KMT2C: variants seen among roughly 807,000 people sequenced by gnomAD.
The protein encoded by KMT2C is histone-lysine N-methyltransferase 2C.
Under a neutral mutation model 507.9 loss-of-function variants are expected in KMT2C, and 88 were observed. The ratio of observed to expected loss-of-function variants is 0.17; its 90% confidence interval spans 0.15 to 0.21. The LOEUF (loss-of-function observed/expected upper bound fraction) is 0.21. Ranked by LOEUF, KMT2C falls within the 10% of genes least tolerant of loss-of-function variation. The pLI is 1.00. For missense variants in KMT2C, 4,954 were observed against 5,957.8 expected (o/e 0.83, Z 5.55); for synonymous variants, 2,049 against 2,080.8 (o/e 0.98, Z 0.42).
intron 6 of KMT2C, among the ~76,000 whole-genome samples, chr7:152,296,445 AAGAGAG>A (rs367694956): frequency 7.4e-5 from 11 of 149,576 alleles, no homozygotes; most frequent in South Asian, 4.2e-4. Flanking sequence ...AAAAAAAAAA[AAGAGAG>A]AGAGAGAGAG....
chr7:152,361,460 G>A (rs1184052219), intron 1 of KMT2C, among the ~76,000 whole-genome samples: 1 of 152,062 alleles, frequency 6.6e-6, no homozygotes, highest in Non-Finnish European at 1.5e-5. Flanking sequence ...CTACTCGGGA[G>A]GCTGAGGCAG....
chr7:152,252,534 C>T lies in KMT2C; in HGVS notation c.1469+12G>A, dbSNP rs548692676. ...TCGACAAAACAACTGAATAGAATAA[C>T]TATCTTCTTACCTTTTGCACATATT... On this transcript the variant is annotated intron_variant, in intron 10 of 58. Transcript: ENST00000262189. The T allele has an allele frequency of 5.6e-6, 9 of 1,603,246 alleles. No homozygotes were observed. The highest frequency in any genetic ancestry group is 1.3e-5 in the African/African-American group (1 of 74,836).
intron 9 of KMT2C, among the ~76,000 whole-genome samples, chr7:152,258,933 GA>G (rs962568593): frequency 6.6e-6 from 1 of 152,116 alleles, no homozygotes; most frequent in Non-Finnish European, 1.5e-5. Flanking sequence ...AAAGGAGGGG[GA>G]AAAGAAATTG....
chr7:152,290,221 T>A (rs2096387944), intron 6 of KMT2C, among the ~76,000 whole-genome samples: 1 of 53,332 alleles, frequency 1.9e-5, no homozygotes, highest in South Asian at 8.4e-4. Flanking sequence ...TATATATATA[T>A]GTGTGTGTGT....
intron 48 of KMT2C, 144 bp from the exon 49 acceptor site, chr7:152,153,098 C>T: frequency 9.1e-7 from 1 of 1,094,148 alleles, no homozygotes; most frequent in South Asian, 1.8e-5. Flanking sequence ...ACTTAAAGAA[C>T]CTCAGGAAAA....
chr7:152,370,550 A>G (rs1376447381), intron 1 of KMT2C, among the ~76,000 whole-genome samples: 1 of 152,222 alleles, frequency 6.6e-6, no homozygotes. Context: ...TCAGGCAAAG[A>G]CAGTACAAAG....
At position 152,309,051 on chromosome 7, in the gene KMT2C, T is replaced by A. The variant is rs544539992; in HGVS notation, c.849+915A>T. Among the ~76,000 whole-genome samples, 244 of 152,162 alleles carry A rather than the reference T, an allele frequency of 1.6e-3. 7 individuals carry two copies. Among genetic ancestry groups the A allele is most frequent in the Non-Finnish European group, 6.9e-4 (47 of 68,004 alleles). On this transcript the variant is annotated intron_variant, in intron 6 of 58. Coordinates refer to ENST00000262189, the MANE Select transcript of KMT2C (RefSeq NM_170606.3). Reference sequence around the variant, plus strand: ...TGAACTGCTGACCGAACTAAAAAAATTTTTTTAATCACTTTTTAAAATATC... The same window carrying A: ...TGAACTGCTGACCGAACTAAAAAAAATTTTTTAATCACTTTTTAAAATATC...
chr7:152,432,152 G>A (rs1463495477), intron 1 of KMT2C, among the ~76,000 whole-genome samples: 4 of 152,146 alleles, frequency 2.6e-5, no homozygotes, highest in Non-Finnish European at 5.9e-5. Flanking sequence ...CTCAAAAAAG[G>A]CCAAGGATAG....
At chr7:152,249,462 T>C (rs2095527518) in intron 13 of KMT2C, among the ~76,000 whole-genome samples, 1 of 151,558 alleles carries the variant, frequency 6.6e-6, no homozygotes, top group African/African-American at 2.4e-5. Context: ...CTGCTGGGAC[T>C]GCACACATGT....
intron 2 of KMT2C, among the ~76,000 whole-genome samples, chr7:152,349,368 C>A (rs1039600059): frequency 3.3e-5 from 5 of 150,936 alleles, no homozygotes; most frequent in Non-Finnish European, 7.4e-5. Context: ...CACTTGAAAC[C>A]GGGAGGCGGA....
intron 37 of KMT2C, 110 bp from the exon 38 acceptor site, chr7:152,178,120 T>G (rs1206073600): frequency 8.8e-7 from 1 of 1,141,032 alleles, no homozygotes; most frequent in East Asian, 3.0e-5. Context: ...ATACAAAATG[T>G]TGCCAAATAC....
At chr7:152,242,892 T>C (rs1246808784) in intron 14 of KMT2C, among the ~76,000 whole-genome samples, 3 of 152,178 alleles carry the variant, frequency 2.0e-5, no homozygotes, top group Non-Finnish European at 4.4e-5. Flanking sequence ...CCCCACACTC[T>C]TCCAACATAC....
At position 152,181,314 on chromosome 7, in the gene KMT2C, T is replaced by C; in HGVS notation, c.6546A>G (p.Arg2182=). ...DPYSQQPQTP[R]PSTQTDLFVT... is the part of the protein sequence containing the mutation. ...CAAACAAGTCAGTTTGTGTAGATGGTCTTGGGGTTTGGGGCTGCTGACTAT... is the reference window on the plus strand; with the variant it reads ...CAAACAAGTCAGTTTGTGTAGATGGCCTTGGGGTTTGGGGCTGCTGACTAT... The change falls in exon 36 of 59, where the codon AGA becomes AGG. Residue 2182 remains arginine (R), a synonymous_variant. Coordinates refer to ENST00000262189, the MANE Select transcript of KMT2C (RefSeq NM_170606.3). 6.2e-7 allele frequency: 1 copy of C among 1,611,242 alleles called. No individual in the cohort carries two copies. The highest frequency in any genetic ancestry group is 8.5e-7 in the Non-Finnish European group (1 of 1,178,964).
intron 6 of KMT2C, among the ~76,000 whole-genome samples, chr7:152,297,051 A>AAGAAAGAAAGAAAG (rs1356233143): frequency 8.3e-5 from 5 of 60,240 alleles, no homozygotes; most frequent in Admixed American, 1.9e-4. Flanking sequence ...GAAAGAAAGA[A>AAGAAAGAAAGAAAG]AGACAGAGAG....
At chr7:152,416,745 T>C (rs977991348) in intron 1 of KMT2C, among the ~76,000 whole-genome samples, 16 of 140,306 alleles carry the variant, frequency 1.1e-4, no homozygotes, top group Middle Eastern at 4.8e-3. Flanking sequence ...AAAAATTCAA[T>C]GTAATTTAAA....
rs1002974666 is a variant in KMT2C at position 152,187,636 on chromosome 7, C to A, written c.4793+79G>T. On this transcript the variant is annotated intron_variant, in intron 32 of 58. Transcript: ENST00000262189. ...AACATACAATAATATCATACACAAT[C>A]ATTTAAGCAGACTAATTTATATATA... is the stretch of plus-strand genomic sequence containing the variant. 6 of 1,513,186 alleles carry A rather than the reference C, an allele frequency of 4.0e-6. No homozygotes were observed. The Admixed American group carries it at 9.7e-5, about 24-fold the overall frequency. The allele number at this position is 1,513,186 out of a possible 1,614,324, so 93.7% of individuals were successfully genotyped here. A position where few individuals can be genotyped will look rare whatever the true frequency, so the allele number is the denominator to read the frequency against.
intron 9 of KMT2C, among the ~76,000 whole-genome samples, chr7:152,256,283 A>G (rs2095660772): frequency 1.3e-5 from 2 of 150,656 alleles, no homozygotes; most frequent in South Asian, 4.2e-4. Flanking sequence ...GAAGCAAAAG[A>G]AGATTAATAA....
chr7:152,343,638 C>A (rs1218680690), intron 2 of KMT2C, among the ~76,000 whole-genome samples: 6 of 151,870 alleles, frequency 4.0e-5, no homozygotes, highest in Admixed American at 2.0e-4. Context: ...CTGGTCACAT[C>A]ATATTAAAAA....
chr7:152,242,245 A>T (rs1230986633), intron 14 of KMT2C, among the ~76,000 whole-genome samples: 3 of 152,106 alleles, frequency 2.0e-5, no homozygotes, highest in Non-Finnish European at 4.4e-5. Context: ...TTCAGCACTT[A>T]TTGAACTTTT....
Sources: gnomAD v4.1 joint callset for allele counts (sites outside exome capture counted in the v4.1 genomes callset) on GRCh38, gnomAD v4.1.1 for gene constraint, MANE v1.5 for transcripts, NCBI Gene and HGNC (gene_info 2026-07-23, HGNC 2026-07-21) for gene names.